The following DOCK3 variants were observed in gnomAD, a reference collection of about 807,000 sequenced individuals.
DOCK3 encodes dedicator of cytokinesis protein 3.
In DOCK3, 60 loss-of-function variants were observed where a neutral mutation model predicts 265.6. That is an observed-to-expected ratio of 0.23 (90% CI 0.18 to 0.28). DOCK3 has a LOEUF of 0.28. DOCK3 is among the 10% of genes least tolerant of loss of function. The probability of loss-of-function intolerance (pLI) is 1.00; values close to 1 mark genes in which losing one functional copy is unlikely to be tolerated. For synonymous variants in DOCK3, 881 were observed against 938.0 expected (o/e 0.94, Z 1.11); for missense variants, 1,981 against 2,594.3 (o/e 0.76, Z 5.14).
intron 2 of DOCK3, among the ~76,000 whole-genome samples, chr3:50,825,695 C>T (rs2044718808): frequency 6.6e-6 from 1 of 152,090 alleles, no homozygotes; most frequent in Non-Finnish European, 1.5e-5. Flanking sequence ...TCCTGGCAGC[C>T]AGTCCTTTCC....
chr3:50,828,039 T>C (rs1438547080), intron 2 of DOCK3, among the ~76,000 whole-genome samples: 1 of 151,632 alleles, frequency 6.6e-6, no homozygotes, highest in African/African-American at 2.4e-5. Flanking sequence ...TCTGCCTCCA[T>C]GGCCTCAGCT....
intron 3 of DOCK3, among the ~76,000 whole-genome samples, chr3:50,881,964 CG>C (rs1391378489): frequency 6.6e-6 from 1 of 152,082 alleles, no homozygotes; most frequent in Non-Finnish European, 1.5e-5. Context: ...TAATACCACA[CG>C]TCTACAACCA....
intron 1 of DOCK3, among the ~76,000 whole-genome samples, chr3:50,754,778 C>T (rs975518445): frequency 2.3e-4 from 35 of 151,954 alleles, no homozygotes; most frequent in African/African-American, 7.0e-4. Flanking sequence ...AGGCTGGTCT[C>T]GAACTCCTGA....
intron 22 of DOCK3, among the ~76,000 whole-genome samples, chr3:51,249,270 C>T (rs1325887228): frequency 4.3e-5 from 6 of 139,582 alleles, no homozygotes; most frequent in Non-Finnish European, 7.9e-5. Flanking sequence ...CCGGCCGCCC[C>T]TACTGGGAAG....
At position 51,101,253 on chromosome 3, in the gene DOCK3, T is replaced by G. The variant is rs559878775; in HGVS notation, c.746+10869T>G. ...CTCCTGCCTCAGCCTCCCGAGTAGC[T>G]GGGACTACAGGCGCCCGCCACCGCG... On this transcript the variant is annotated intron_variant, in intron 9 of 52. Coordinates refer to ENST00000266037, the MANE Select transcript of DOCK3 (RefSeq NM_004947.5). Among the ~76,000 whole-genome samples, 78 of 151,932 alleles carry G rather than the reference T, an allele frequency of 5.1e-4. 1 individual carries two copies. In the South Asian group the frequency reaches 0.016, roughly 32 times the overall value.
chr3:51,315,233 G>A, intron 32 of DOCK3, 105 bp downstream of exon 32: 1 of 1,359,908 alleles, frequency 7.4e-7, no homozygotes, highest in Non-Finnish European at 9.7e-7. Context: ...ATGGGCTGTA[G>A]TTTGGCTAAT....
chr3:51,235,154 A>G (rs1455463311), intron 19 of DOCK3, among the ~76,000 whole-genome samples: 2 of 152,232 alleles, frequency 1.3e-5, no homozygotes, highest in Non-Finnish European at 2.9e-5. Context: ...ACCACTGTGT[A>G]CTTTCATGAA....
intron 1 of DOCK3, among the ~76,000 whole-genome samples, chr3:50,724,631 T>G: frequency 6.9e-6 from 1 of 145,152 alleles, no homozygotes; most frequent in Non-Finnish European, 1.5e-5. Flanking sequence ...CAGGTGGGAA[T>G]GGAACAATAA....
Position 51,221,448 on chromosome 3 carries a change from G to T in DOCK3, c.1253-4201G>T, listed in dbSNP as rs566287549. 6.6e-5 allele frequency among the ~76,000 whole-genome samples: 10 copies of T among 152,254 alleles called. No homozygotes were observed. In the South Asian group the frequency reaches 2.1e-3, roughly 32 times the overall value. The stretch of plus-strand genomic sequence containing the variant: ...AATGTTTTTCTTTTACATTTTAAAA[G>T]TGTTGTAAAAACAAAGAACAACTGC... On this transcript the variant is annotated intron_variant, in intron 14 of 52. Transcript: ENST00000266037.
chr3:51,094,465 A>T (rs1051936589), intron 9 of DOCK3, among the ~76,000 whole-genome samples: 8 of 152,134 alleles, frequency 5.3e-5, no homozygotes, highest in Non-Finnish European at 1.0e-4. Flanking sequence ...AGAGATATTT[A>T]TAGTATTCTC....
chr3:50,833,555 A>C (rs753892268), intron 2 of DOCK3, among the ~76,000 whole-genome samples: 4 of 152,190 alleles, frequency 2.6e-5, no homozygotes, highest in Non-Finnish European at 2.9e-5. Flanking sequence ...TGAATTGGGT[A>C]AACTCATCTC....
chr3:50,937,255 C>T (rs561848082), intron 5 of DOCK3, among the ~76,000 whole-genome samples: 13 of 119,588 alleles, frequency 1.1e-4, no homozygotes, highest in East Asian at 2.4e-4. Flanking sequence ...CCAGCCTGGG[C>T]GATGAGAGCA....
At chr3:51,090,693 T>G (rs1441851985) in intron 9 of DOCK3, among the ~76,000 whole-genome samples, 15 of 151,984 alleles carry the variant, frequency 9.9e-5, no homozygotes, top group Non-Finnish European at 2.9e-5. Flanking sequence ...AGGAGAAACA[T>G]AGAACCAAAC....
intron 49 of DOCK3, among the ~76,000 whole-genome samples, chr3:51,363,955 A>G (rs1382158518): frequency 1.3e-5 from 2 of 152,306 alleles, no homozygotes; most frequent in South Asian, 2.1e-4. Flanking sequence ...ATACATGTGC[A>G]TGTGTCTTTA....
rs543229352 is a variant in DOCK3 at position 50,975,752 on chromosome 3, G to C, written c.315+41675G>C. The stretch of plus-strand genomic sequence containing the variant: ...CTCCTTGTACTTCTGGTAGAATTCC[G>C]CTGTGAATCCATCTGGTCCTGGACT... On this transcript the variant is annotated intron_variant, in intron 5 of 52. Transcript: ENST00000266037. 2.3e-4 allele frequency among the ~76,000 whole-genome samples: 35 copies of C among 152,170 alleles called. 1 individual carries two copies. The South Asian group carries it at 6.4e-3, about 28-fold the overall frequency.
chr3:51,257,849 C>T (rs1346596694), intron 22 of DOCK3, among the ~76,000 whole-genome samples: 1 of 152,192 alleles, frequency 6.6e-6, no homozygotes, highest in Non-Finnish European at 1.5e-5. Context: ...CACTCCTCTG[C>T]CCCGCTCTCC....
chr3:51,317,671 CA>C (rs911971438), intron 32 of DOCK3, among the ~76,000 whole-genome samples: 21 of 146,834 alleles, frequency 1.4e-4, no homozygotes, highest in East Asian at 5.9e-4. Flanking sequence ...GTTCTCATTG[CA>C]AAAAAAAATT....
At position 50,867,979 on chromosome 3, in the gene DOCK3, G is replaced by A. The variant is rs188796208; in HGVS notation, c.163-22047G>A. On this transcript the variant is annotated intron_variant, in intron 3 of 52. Coordinates refer to ENST00000266037, the MANE Select transcript of DOCK3 (RefSeq NM_004947.5). ...GTATCCCCTCTTACTCTATTTTTTG[G>A]AATATTTAAAGAAGATTGGTATTAG... 2.6e-5 allele frequency among the ~76,000 whole-genome samples: 4 copies of A among 152,060 alleles called. No individual in the cohort carries two copies. In the East Asian group the frequency reaches 7.7e-4, roughly 29 times the overall value.
chr3:50,818,449 C>A (rs2044217252), intron 2 of DOCK3, among the ~76,000 whole-genome samples: 1 of 152,176 alleles, frequency 6.6e-6, no homozygotes, highest in Non-Finnish European at 1.5e-5. Context: ...ATTATTTTGC[C>A]CTAGGCAGAT....
Sources: gnomAD v4.1 joint callset for allele counts (sites outside exome capture counted in the v4.1 genomes callset) on GRCh38, gnomAD v4.1.1 for gene constraint, MANE v1.5 for transcripts, NCBI Gene and HGNC (gene_info 2026-07-23, HGNC 2026-07-21) for gene names.